Variants in CLVS1 observed in about 807,000 individuals in gnomAD.
CLVS1 encodes the protein clavesin 1.
CLVS1 carries 10 observed loss-of-function variants against 33.1 expected under a neutral mutation model. The ratio of observed to expected loss-of-function variants is 0.30; its 90% CI spans 0.19 to 0.51. The LOEUF (loss-of-function observed/expected upper bound fraction) is 0.51. Ranked by LOEUF, CLVS1 falls within the 20% of genes least tolerant of loss-of-function variation. CLVS1 has a pLI of 0.97. For missense variants in CLVS1, 343 were observed against 433.4 expected, an observed-to-expected ratio of 0.79 and a Z score of 1.85; for synonymous variants, 163 against 166.1, an observed-to-expected ratio of 0.98 and a Z score of 0.14.
chr8:61,264,066 A>T (rs1809257908), intron 2 of CLVS1, among the ~76,000 whole-genome samples: 1 of 152,176 alleles, frequency 6.6e-6, no homozygotes, highest in Admixed American at 6.5e-5. Context: ...AAGCTGAAAC[A>T]GTGTGAAAAG....
chr8:61,308,117 C>T (rs896485061), intron 2 of CLVS1, among the ~76,000 whole-genome samples: 4 of 152,224 alleles, frequency 2.6e-5, no homozygotes, highest in African/African-American at 9.6e-5. Flanking sequence ...GTACATAATA[C>T]TGCACATATA....
At chr8:61,392,541 T>C (rs1814344936) in intron 3 of CLVS1, among the ~76,000 whole-genome samples, 1 of 152,124 alleles carries the variant, frequency 6.6e-6, no homozygotes, top group Non-Finnish European at 1.5e-5. Flanking sequence ...CTTTTACCTC[T>C]TAAAATCTTA....
At chr8:61,202,273 C>A in intron 2 of CLVS1, 1 of 585,236 alleles carries the variant, frequency 1.7e-6, no homozygotes. Context: ...TGATTCCATC[C>A]TGTGTGGCTG....
chr8:61,424,750 CT>C (rs1415298234), intron 3 of CLVS1, among the ~76,000 whole-genome samples: 1 of 152,132 alleles, frequency 6.6e-6, no homozygotes, highest in Non-Finnish European at 1.5e-5. Flanking sequence ...TAAGAATTTG[CT>C]GTGCATTCCA....
intron 2 of CLVS1, among the ~76,000 whole-genome samples, chr8:61,243,385 G>C (rs992103193): frequency 3.3e-5 from 5 of 152,146 alleles, no homozygotes; most frequent in Non-Finnish European, 5.9e-5. Context: ...TATACAGACT[G>C]GTATTCATCT....
At chr8:61,339,322 C>A (rs556145985) in intron 2 of CLVS1, among the ~76,000 whole-genome samples, 2 of 152,310 alleles carry the variant, frequency 1.3e-5, no homozygotes, top group South Asian at 4.1e-4. Context: ...GCCACATGGA[C>A]AGAGCCTCAA....
At chr8:61,419,698 G>A (rs1815581270) in intron 3 of CLVS1, among the ~76,000 whole-genome samples, 1 of 152,180 alleles carries the variant, frequency 6.6e-6, no homozygotes, top group Non-Finnish European at 1.5e-5. Flanking sequence ...GCTGACTCTA[G>A]GAGCTGAATA....
At chr8:61,124,105 G>A (rs1805928950) in intron 1 of CLVS1, among the ~76,000 whole-genome samples, 1 of 152,166 alleles carries the variant, frequency 6.6e-6, no homozygotes, top group Admixed American at 6.5e-5. Flanking sequence ...AAAATTTGCT[G>A]AAACTTTAGT....
the CLVS1 span, among the ~76,000 whole-genome samples, chr8:61,033,561 T>C: frequency 4.0e-5 from 6 of 151,480 alleles, no homozygotes; most frequent in Non-Finnish European, 7.4e-5. Context: ...CAGGGGGGAG[T>C]GTGGGTGGGC....
At chr8:61,004,099 G>A in the CLVS1 span, among the ~76,000 whole-genome samples, 2 of 152,360 alleles carry the variant, frequency 1.3e-5, no homozygotes, top group South Asian at 4.1e-4. Flanking sequence ...AGTTCTGTGA[G>A]CCTCAGTTTC....
chr8:61,242,649 C>T (rs1460414708), intron 2 of CLVS1, among the ~76,000 whole-genome samples: 5 of 151,896 alleles, frequency 3.3e-5, no homozygotes, highest in Non-Finnish European at 4.4e-5. Context: ...ATTAACCAGA[C>T]ATGGTGACAC....
chr8:61,360,408 C>G (rs985092404), intron 2 of CLVS1, among the ~76,000 whole-genome samples: 2 of 152,152 alleles, frequency 1.3e-5, no homozygotes, highest in African/African-American at 4.8e-5. Context: ...GTTGAACAAA[C>G]ATTTTGTATG....
chr8:61,050,518 G>T, the CLVS1 span, among the ~76,000 whole-genome samples: 1 of 152,222 alleles, frequency 6.6e-6, no homozygotes, highest in South Asian at 2.1e-4. Context: ...GTCACACAAG[G>T]CAGGAAGAAA....
intron 5 of CLVS1, among the ~76,000 whole-genome samples, chr8:61,473,335 G>A (rs1426489996): frequency 7.5e-5 from 7 of 93,390 alleles, no homozygotes; most frequent in Admixed American, 1.4e-4. Context: ...TGAAATTCAC[G>A]GAATTTAAAA....
chr8:61,196,139 A>T (rs1378335381), intron 2 of CLVS1, among the ~76,000 whole-genome samples: 1 of 152,230 alleles, frequency 6.6e-6, no homozygotes, highest in East Asian at 1.9e-4. Flanking sequence ...TCATTTAACA[A>T]ATATTTATTG....
chr8:61,181,861 G>A (rs545424012), intron 2 of CLVS1, among the ~76,000 whole-genome samples: 23 of 151,880 alleles, frequency 1.5e-4, no homozygotes, highest in South Asian at 6.3e-4. Flanking sequence ...CACTGTGCCC[G>A]GCTAATTTTT....
upstream of CLVS1, among the ~76,000 whole-genome samples, chr8:61,285,959 GTTTT>G (rs34918981): frequency 4.9e-4 from 66 of 135,148 alleles, no homozygotes; most frequent in African/African-American, 1.4e-3. Flanking sequence ...TTTCCCTGTA[GTTTT>G]TTTTTTTTTT....
intron 3 of CLVS1, among the ~76,000 whole-genome samples, chr8:61,450,949 G>A (rs949474618): frequency 5.3e-5 from 8 of 152,070 alleles, no homozygotes; most frequent in East Asian, 1.9e-4. Flanking sequence ...TGTCACTTTC[G>A]GAGCCAGCTT....
chr8:61,469,538 T>C (rs929057976), intron 5 of CLVS1, among the ~76,000 whole-genome samples: 2 of 152,228 alleles, frequency 1.3e-5, no homozygotes, highest in African/African-American at 4.8e-5. Context: ...AAAAGTCACC[T>C]TAACTGTTTT....
Sources: gnomAD v4.1 joint callset for allele counts (sites outside exome capture counted in the v4.1 genomes callset) on GRCh38, gnomAD v4.1.1 for gene constraint, MANE v1.5 for transcripts, NCBI Gene and HGNC (gene_info 2026-07-23, HGNC 2026-07-21) for gene names.